The following NXPH1 variants were observed in gnomAD, a reference collection of about 807,000 sequenced individuals.
The protein encoded by NXPH1 is neurexophilin 1.
A neutral mutation model predicts 23.7 loss-of-function variants in NXPH1; 5 were observed. The ratio of observed to expected loss-of-function variants is 0.21; its 90% CI spans 0.11 to 0.44. The LOEUF is 0.44. Ranked by LOEUF, NXPH1 falls within the 20% of genes least tolerant of loss-of-function variation. The pLI is 0.99. For missense variants in NXPH1, 324 were observed against 321.6 expected (o/e 1.01, Z -0.06); for synonymous variants, 144 against 122.2 (o/e 1.18, Z -1.18).
chr7:8,435,597 C>G lies in NXPH1; in HGVS notation c.-110-7C>G. On this transcript the variant is annotated splice_region_variant and splice_polypyrimidine_tract_variant and intron_variant, in intron 1 of 2. Transcript: ENST00000405863. The surrounding 1 kb of genome is among the most constrained non-coding windows in gnomAD (Gnocchi z 5.9). ...GTCATGGGATGTCTAATTTTATTTGCATCTAGGCTGCTGAGAGCGCTCCTT... is the reference window on the plus strand; with the variant it reads ...GTCATGGGATGTCTAATTTTATTTGGATCTAGGCTGCTGAGAGCGCTCCTT... 2.2e-6 allele frequency: 2 copies of G among 905,882 alleles called. No homozygotes were observed. Among genetic ancestry groups the G allele is most frequent in the East Asian group, 4.8e-5 (2 of 41,348 alleles). 56.1% of individuals were successfully genotyped at this position (905,882 alleles called of 1,614,324 possible). A position where few individuals can be genotyped will look rare whatever the true frequency, so the allele number is the denominator to read the frequency against.
intron 2 of NXPH1, among the ~76,000 whole-genome samples, chr7:8,681,150 TC>T (rs1821043332): frequency 6.6e-6 from 1 of 152,350 alleles, no homozygotes; most frequent in Non-Finnish European, 1.5e-5. Flanking sequence ...ATTTATGACA[TC>T]ATTAAGTGGC....
intron 2 of NXPH1, among the ~76,000 whole-genome samples, chr7:8,529,915 T>C (rs929441590): frequency 1.3e-5 from 2 of 152,222 alleles, no homozygotes; most frequent in African/African-American, 4.8e-5. Flanking sequence ...CACAATTTTG[T>C]CACTTTTAAA....
intron 2 of NXPH1, among the ~76,000 whole-genome samples, chr7:8,503,656 G>A (rs1325566728): frequency 6.6e-6 from 1 of 151,960 alleles, no homozygotes; most frequent in African/African-American, 2.4e-5. Flanking sequence ...AGGTAAGGAA[G>A]GAAATGTGAA....
intron 2 of NXPH1, among the ~76,000 whole-genome samples, chr7:8,529,556 AGT>A (rs1817920218): frequency 6.6e-6 from 1 of 152,216 alleles, no homozygotes; most frequent in Non-Finnish European, 1.5e-5. Context: ...ACAGTGGCTA[AGT>A]GTGGATGGCA....
intron 2 of NXPH1, among the ~76,000 whole-genome samples, chr7:8,725,813 T>A (rs898915477): frequency 6.6e-5 from 10 of 151,998 alleles, no homozygotes; most frequent in Non-Finnish European, 1.3e-4. Context: ...TATTTTTTTT[T>A]ATTTCTGGGT....
chr7:8,476,440 C>G (rs975236039), intron 2 of NXPH1, among the ~76,000 whole-genome samples: 3 of 151,958 alleles, frequency 2.0e-5, no homozygotes, highest in African/African-American at 7.3e-5. Context: ...CTTACCCTAT[C>G]TGAGTTTAGA....
chr7:8,526,053 A>G (rs1004348209), intron 2 of NXPH1, among the ~76,000 whole-genome samples: 3 of 152,224 alleles, frequency 2.0e-5, no homozygotes, highest in East Asian at 1.9e-4. Flanking sequence ...TAGACATTCA[A>G]TGCCAGCCTG....
At chr7:8,729,468 T>C (rs1780112792) in intron 2 of NXPH1, among the ~76,000 whole-genome samples, 1 of 140,108 alleles carries the variant, frequency 7.1e-6, no homozygotes, top group Non-Finnish European at 1.5e-5. Context: ...CTTTCTCTTG[T>C]GGGCATTTAG....
At chr7:8,670,804 G>A (rs931813830) in intron 2 of NXPH1, among the ~76,000 whole-genome samples, 2 of 152,226 alleles carry the variant, frequency 1.3e-5, no homozygotes, top group African/African-American at 4.8e-5. Context: ...GTTAGGGACA[G>A]GGTCTCTTTG....
chr7:8,497,694 C>A (rs927064508), intron 2 of NXPH1, among the ~76,000 whole-genome samples: 5 of 152,148 alleles, frequency 3.3e-5, no homozygotes, highest in Non-Finnish European at 7.4e-5. Flanking sequence ...CCTTCCCCTA[C>A]TTTTTGATGG....
chr7:8,535,593 T>C (rs1251391590), intron 2 of NXPH1, among the ~76,000 whole-genome samples: 1 of 151,726 alleles, frequency 6.6e-6, no homozygotes, highest in East Asian at 1.9e-4. Flanking sequence ...GCTGTCATGG[T>C]GGTCAGAGTC....
chr7:8,553,035 T>C (rs749613784), intron 2 of NXPH1, among the ~76,000 whole-genome samples: 1 of 151,542 alleles, frequency 6.6e-6, no homozygotes, highest in Non-Finnish European at 1.5e-5. Context: ...AGAGCACATA[T>C]GTACCAAATT....
chr7:8,697,957 G>T (rs1207340867), intron 2 of NXPH1, among the ~76,000 whole-genome samples: 2 of 152,162 alleles, frequency 1.3e-5, no homozygotes, highest in African/African-American at 4.8e-5. Context: ...AGATAATTTG[G>T]ATTGCATTCT....
chr7:8,456,435 G>A (rs150692157), intron 2 of NXPH1, among the ~76,000 whole-genome samples: 71 of 152,278 alleles, frequency 4.7e-4, no homozygotes, highest in African/African-American at 1.6e-3. Flanking sequence ...ATTCACAGAG[G>A]TTGTGGGACC....
At chr7:8,722,868 T>C (rs945912691) in intron 2 of NXPH1, among the ~76,000 whole-genome samples, 1 of 152,160 alleles carries the variant, frequency 6.6e-6, no homozygotes, top group Non-Finnish European at 1.5e-5. Flanking sequence ...ATAAAATATG[T>C]TCAATGGCCC....
At position 8,559,088 on chromosome 7, in the gene NXPH1, C is replaced by T. The variant is rs564196645; in HGVS notation, c.54+123321C>T. Among the ~76,000 whole-genome samples the T allele has an allele frequency of 5.3e-5, 8 of 151,616 alleles. No individual in the cohort carries two copies. The South Asian group carries it at 1.7e-3, about 32-fold the overall frequency. Reference sequence around the variant, plus strand: ...CTAAAGTGACTTCCACCTCAGCCTGCTGAGTAGCTGGGACTATAGGTACCA... The same window carrying T: ...CTAAAGTGACTTCCACCTCAGCCTGTTGAGTAGCTGGGACTATAGGTACCA... On this transcript the variant is annotated intron_variant, in intron 2 of 2. Coordinates refer to ENST00000405863, the MANE Select transcript of NXPH1 (RefSeq NM_152745.3).
intron 2 of NXPH1, among the ~76,000 whole-genome samples, chr7:8,584,934 G>C (rs529668632): frequency 8.9e-4 from 136 of 152,212 alleles, no homozygotes; most frequent in African/African-American, 3.1e-3. Context: ...AATTGCTTTG[G>C]TAACCAGGAC....
In NXPH1 at chr7:8,751,952, C is replaced by G. The variant is rs1780572469; in HGVS notation, c.*183C>G. On this transcript the variant is annotated 3_prime_UTR_variant, in exon 3 of 3. Transcript: ENST00000405863. This position sits in a 1 kb window ranked among gnomAD's most constrained non-coding sequence, Gnocchi z 4.5. ...GTAATTTCTGCCCAGTCAGCTTCAT[C>G]CCTCAGTATAATTGTAAATCATCAC... 1 of 588,936 alleles carries G rather than the reference C, an allele frequency of 1.7e-6. No homozygotes were observed. 36.5% of individuals were successfully genotyped at this position (588,936 alleles called of 1,614,324 possible).
chr7:8,718,024 T>A (rs1249254444), intron 2 of NXPH1, among the ~76,000 whole-genome samples: 1 of 152,112 alleles, frequency 6.6e-6, no homozygotes, highest in Non-Finnish European at 1.5e-5. Flanking sequence ...TCTTAATGTT[T>A]AATAATACAT....
Sources: gnomAD v4.1 joint callset for allele counts (sites outside exome capture counted in the v4.1 genomes callset) on GRCh38, gnomAD v4.1.1 for gene constraint, Gnocchi (gnomAD v3.1) non-coding constraint, MANE v1.5 for transcripts, NCBI Gene and HGNC (gene_info 2026-07-23, HGNC 2026-07-21) for gene names.